TENM2: variants seen among roughly 807,000 people sequenced by gnomAD.
The protein encoded by TENM2 is teneurin transmembrane protein 2, also known as teneurin-2.
A neutral mutation model predicts 245.2 loss-of-function variants in TENM2; 52 were observed. The observed-to-expected ratio is 0.21, with a 90% CI of 0.17 to 0.27. The LOEUF (loss-of-function observed/expected upper bound fraction) is 0.27. TENM2 is among the 10% of genes least tolerant of loss of function. The pLI, the probability that TENM2 is intolerant of heterozygous loss-of-function variation, is 1.00. For synonymous variants in TENM2, 1,363 were observed against 1,438.9 expected, an observed-to-expected ratio of 0.95 and a Z score of 1.19; for missense variants, 3,046 against 3,666.8, an observed-to-expected ratio of 0.83 and a Z score of 4.37.
intron 2 of TENM2, among the ~76,000 whole-genome samples, chr5:167,693,125 T>C (rs1218187941): frequency 6.6e-6 from 1 of 152,208 alleles, no homozygotes; most frequent in Non-Finnish European, 1.5e-5. Flanking sequence ...TGCTGAGCTA[T>C]TAGTAGAGTG....
At chr5:168,039,009 C>T (rs994340706) in intron 5 of TENM2, among the ~76,000 whole-genome samples, 1 of 152,096 alleles carries the variant, frequency 6.6e-6, no homozygotes, top group Non-Finnish European at 1.5e-5. Context: ...CCCTTGCCTG[C>T]AGCCACTGAG....
At chr5:167,565,207 G>A (rs548779851) in intron 2 of TENM2, among the ~76,000 whole-genome samples, 5 of 152,240 alleles carry the variant, frequency 3.3e-5, no homozygotes, top group Admixed American at 6.5e-5. Context: ...AGGGATTGGT[G>A]ATGGTCTTAT....
At chr5:168,137,429 A>G (rs963726319) in intron 12 of TENM2, among the ~76,000 whole-genome samples, 1 of 152,252 alleles carries the variant, frequency 6.6e-6, no homozygotes, top group East Asian at 1.9e-4. Flanking sequence ...GGAGTCCCCA[A>G]GATTACAAAA....
At chr5:168,012,524 T>A (rs1785299267) in intron 5 of TENM2, among the ~76,000 whole-genome samples, 1 of 151,664 alleles carries the variant, frequency 6.6e-6, no homozygotes, top group Admixed American at 6.6e-5. Context: ...GGTGCACAGC[T>A]GTAATCCCAG....
chr5:167,532,542 T>C (rs1016155193), intron 2 of TENM2, among the ~76,000 whole-genome samples: 1 of 151,628 alleles, frequency 6.6e-6, no homozygotes, highest in African/African-American at 2.4e-5. Context: ...AACCATCAGA[T>C]CTCATGAGAC....
intron 2 of TENM2, among the ~76,000 whole-genome samples, chr5:167,775,358 A>G (rs1409791603): frequency 1.3e-5 from 2 of 152,230 alleles, no homozygotes; most frequent in East Asian, 3.9e-4. Flanking sequence ...TTCTCTCTTA[A>G]GAATTTCCCA....
intron 2 of TENM2, among the ~76,000 whole-genome samples, chr5:167,535,001 C>A (rs916937709): frequency 3.3e-5 from 5 of 152,122 alleles, no homozygotes; most frequent in Non-Finnish European, 4.4e-5. Flanking sequence ...TAAGTAAAAT[C>A]ATCATTTCTC....
rs375863417 is a variant in TENM2 at position 167,354,070 on chromosome 5, T to C, written c.227-21128T>C. ...TTTCTCTGCTTTCAGTCTAACTGGG[T>C]TATACATTAAGCAAACTACCTGTGT... On this transcript the variant is annotated intron_variant, in intron 1 of 28. Transcript: ENST00000518659. Among the ~76,000 whole-genome samples the C allele has an allele frequency of 1.1e-4, 16 of 152,292 alleles. No homozygotes were observed. The East Asian group carries it at 3.1e-3, about 29-fold the overall frequency.
At chr5:167,574,386 C>G (rs1231893048) in intron 2 of TENM2, among the ~76,000 whole-genome samples, 1 of 152,110 alleles carries the variant, frequency 6.6e-6, no homozygotes, top group Non-Finnish European at 1.5e-5. Flanking sequence ...GACTTAAACC[C>G]TAGGAGACAG....
At chr5:167,751,374 G>A (rs1761949178) in intron 2 of TENM2, among the ~76,000 whole-genome samples, 1 of 152,194 alleles carries the variant, frequency 6.6e-6, no homozygotes, top group African/African-American at 2.4e-5. Flanking sequence ...AGGACCGATA[G>A]GAGGTTGTCA....
the TENM2 span, among the ~76,000 whole-genome samples, chr5:167,011,136 T>C: frequency 6.6e-6 from 1 of 152,250 alleles, no homozygotes; most frequent in African/African-American, 2.4e-5. Context: ...TAATTCTTTT[T>C]GGTCCTTGCA....
the TENM2 span, among the ~76,000 whole-genome samples, chr5:167,201,588 A>G: frequency 6.6e-6 from 1 of 152,182 alleles, no homozygotes; most frequent in East Asian, 1.9e-4. Flanking sequence ...CTCACTGGAT[A>G]GAAAGAATGC....
chr5:167,674,817 G>A (rs1471993917), intron 2 of TENM2, among the ~76,000 whole-genome samples: 2 of 152,072 alleles, frequency 1.3e-5, no homozygotes, highest in Admixed American at 6.6e-5. Flanking sequence ...CCAGAATTTA[G>A]GTTGTGTTTC....
chr5:167,312,389 C>T lies in TENM2; in HGVS notation c.226+27326C>T, dbSNP rs375141721. On this transcript the variant is annotated intron_variant, in intron 1 of 28. Coordinates refer to ENST00000518659, the Ensembl canonical transcript of TENM2. ...CTGGTCTACTGTTAGTCTCCACTTG[C>T]CCCGGCTGTCAAATATTGCTTAGAG... Among the ~76,000 whole-genome samples the T allele has an allele frequency of 2.6e-5, 4 of 152,142 alleles. No homozygotes were observed. The South Asian group carries it at 6.2e-4, about 24-fold the overall frequency.
chr5:168,145,535 T>C (rs1755979096), intron 12 of TENM2, among the ~76,000 whole-genome samples: 1 of 142,636 alleles, frequency 7.0e-6, no homozygotes, highest in Admixed American at 7.0e-5. Context: ...GTTCCATTGA[T>C]CTATATCTCT....
At chr5:167,681,529 T>G (rs1756705138) in intron 2 of TENM2, among the ~76,000 whole-genome samples, 2 of 152,312 alleles carry the variant, frequency 1.3e-5, no homozygotes, top group South Asian at 4.2e-4. Flanking sequence ...AAATTAGGCT[T>G]GCTGAATGAC....
At chr5:168,220,545 T>C (rs1286723344) in intron 23 of TENM2, among the ~76,000 whole-genome samples, 1 of 152,242 alleles carries the variant, frequency 6.6e-6, no homozygotes, top group Admixed American at 6.5e-5. Flanking sequence ...TTTTTCATAA[T>C]GTAGATAAAT....
intron 2 of TENM2, among the ~76,000 whole-genome samples, chr5:167,477,438 G>C (rs35914695): frequency 1.7e-4 from 3 of 18,056 alleles, no homozygotes; most frequent in East Asian, 2.1e-3. Flanking sequence ...GTTGGCGGGT[G>C]GGGGGGGAGG....
the TENM2 span, among the ~76,000 whole-genome samples, chr5:167,236,322 C>A: frequency 1.3e-5 from 2 of 152,134 alleles, no homozygotes; most frequent in African/African-American, 4.8e-5. Context: ...CAAAGAACCA[C>A]AATTTATGGA....
Sources: gnomAD v4.1 joint callset for allele counts (sites outside exome capture counted in the v4.1 genomes callset) on GRCh38, gnomAD v4.1.1 for gene constraint, MANE v1.5 for transcripts, NCBI Gene and HGNC (gene_info 2026-07-23, HGNC 2026-07-21) for gene names.